HS1BP3: variants seen among roughly 807,000 people sequenced by gnomAD.
The protein encoded by HS1BP3 is HCLS1 binding protein 3.
Under a neutral mutation model 33.5 loss-of-function variants are expected in HS1BP3, and 32 were observed. The ratio of observed to expected loss-of-function variants is 0.95; its 90% confidence interval spans 0.72 to 1.28. The LOEUF (loss-of-function observed/expected upper bound fraction) is 1.28, where lower values mean the gene tolerates loss of function less well. Among genes scored for constraint, HS1BP3 ranks in the 50% most tolerant of loss-of-function variants. The probability of loss-of-function intolerance (pLI) is 0.00; values close to 1 mark genes in which losing one functional copy is unlikely to be tolerated. For synonymous variants in HS1BP3, 187 were observed against 209.2 expected (o/e 0.89, Z 0.92); for missense variants, 486 against 502.3 (o/e 0.97, Z 0.31).
chr2:20,615,861 G>A (rs1360505051), downstream of HS1BP3, among the ~76,000 whole-genome samples: 1 of 152,214 alleles, frequency 6.6e-6, no homozygotes, highest in African/African-American at 2.4e-5. Flanking sequence ...TGGGGCACAT[G>A]GAGGTGAACT....
At chr2:20,609,370 A>T (rs1694268797) in intron 2 of HS1BP3, among the ~76,000 whole-genome samples, 1 of 152,208 alleles carries the variant, frequency 6.6e-6, no homozygotes, top group Non-Finnish European at 1.5e-5. Context: ...TAAGATTGCC[A>T]CTTCAAAGCC....
At chr2:20,629,016 G>A (rs999519071) in intron 4 of HS1BP3, among the ~76,000 whole-genome samples, 8 of 152,170 alleles carry the variant, frequency 5.3e-5, no homozygotes, top group Non-Finnish European at 8.8e-5. Flanking sequence ...GGAGAGCAGC[G>A]GTGGTGCGAG....
chr2:20,602,846 CG>C (rs1558330391), intron 2 of HS1BP3, among the ~76,000 whole-genome samples: 1 of 152,102 alleles, frequency 6.6e-6, no homozygotes, highest in Non-Finnish European at 1.5e-5. Context: ...TAAGGTTTAT[CG>C]GGAATACATA....
intron 4 of HS1BP3, 44 bp from the exon 5 acceptor site, chr2:20,624,936 G>A: frequency 1.9e-6 from 3 of 1,609,170 alleles, no homozygotes; most frequent in Non-Finnish European, 2.5e-6. Context: ...TTTCCCACAA[G>A]TGTCCAGGTG....
chr2:20,605,339 C>G (rs566428833), intron 2 of HS1BP3, among the ~76,000 whole-genome samples: 41 of 152,340 alleles, frequency 2.7e-4, no homozygotes, highest in Admixed American at 2.4e-3. Context: ...CACCCCTCAT[C>G]ATCGATGACT....
chr2:20,589,062 A>C (rs957985827), downstream of HS1BP3, among the ~76,000 whole-genome samples: 1 of 152,230 alleles, frequency 6.6e-6, no homozygotes. Flanking sequence ...CTGGGCATCA[A>C]ACTGTCTCTC....
At chr2:20,599,613 C>CAG (rs778884273) in intron 2 of HS1BP3, among the ~76,000 whole-genome samples, 1 of 106,534 alleles carries the variant, frequency 9.4e-6, no homozygotes, top group African/African-American at 4.4e-5. Flanking sequence ...TTGTGTAACA[C>CAG]ACACACACAC....
chr2:20,578,729 C>T (rs1241579515), intron 5 of HS1BP3, among the ~76,000 whole-genome samples: 3 of 152,182 alleles, frequency 2.0e-5, no homozygotes, highest in Middle Eastern at 6.3e-3. Flanking sequence ...TCATGACAGC[C>T]CTGGGAGCAG....
chr2:20,638,765 G>A, intron 3 of HS1BP3, 113 bp from the exon 4 acceptor site: 2 of 810,152 alleles, frequency 2.5e-6, no homozygotes, highest in Non-Finnish European at 3.9e-6. Context: ...GCTTCCTGCA[G>A]CCTCCTGGGA....
At chr2:20,568,550 G>T (rs1214758549) in intron 5 of HS1BP3, among the ~76,000 whole-genome samples, 1 of 152,132 alleles carries the variant, frequency 6.6e-6, no homozygotes, top group East Asian at 1.9e-4. Flanking sequence ...CCTTTGTCTG[G>T]GGACTAGACA....
At chr2:20,648,286 G>A (rs1199213256) in intron 1 of HS1BP3, among the ~76,000 whole-genome samples, 1 of 152,058 alleles carries the variant, frequency 6.6e-6, no homozygotes, top group Non-Finnish European at 1.5e-5. Context: ...TCAACAGAGG[G>A]CCCCATATTC....
At chr2:20,638,347 G>A in intron 4 of HS1BP3, 89 bp downstream of exon 4, 1 of 1,330,622 alleles carries the variant, frequency 7.5e-7, no homozygotes, top group Non-Finnish European at 1.0e-6. Flanking sequence ...GGATGCTCAG[G>A]GCTTTTCTCA....
At chr2:20,629,827 G>A (rs1694915385) in intron 4 of HS1BP3, among the ~76,000 whole-genome samples, 1 of 152,248 alleles carries the variant, frequency 6.6e-6, no homozygotes, top group Non-Finnish European at 1.5e-5. Context: ...GTGAGAGGCG[G>A]CAGCTGCCGC....
At chr2:20,600,642 CATG>C (rs1393264139) in intron 2 of HS1BP3, among the ~76,000 whole-genome samples, 4 of 152,192 alleles carry the variant, frequency 2.6e-5, no homozygotes, top group African/African-American at 9.7e-5. Flanking sequence ...TTAAAATCCT[CATG>C]ATATGTGGAA....
At chr2:20,602,167 C>T (rs938737010) in intron 2 of HS1BP3, among the ~76,000 whole-genome samples, 1 of 150,596 alleles carries the variant, frequency 6.6e-6, no homozygotes. Context: ...GACCTGCTCT[C>T]TTCTAGCTGA....
At chr2:20,557,719 A>G (rs1416221694), downstream of HS1BP3, among the ~76,000 whole-genome samples, 1 of 152,214 alleles carries the variant, frequency 6.6e-6, no homozygotes, top group Non-Finnish European at 1.5e-5. Flanking sequence ...TTCGGAGAGC[A>G]TCAGCTATTT....
At chr2:20,588,166 C>T (rs574864125), downstream of HS1BP3, among the ~76,000 whole-genome samples, 17 of 151,804 alleles carry the variant, frequency 1.1e-4, no homozygotes, top group African/African-American at 4.1e-4. Flanking sequence ...CAACAGGTGA[C>T]AGGATTAAAA....
At chr2:20,598,854 G>T (rs1211125032) in intron 2 of HS1BP3, among the ~76,000 whole-genome samples, 1 of 152,156 alleles carries the variant, frequency 6.6e-6, no homozygotes, top group Non-Finnish European at 1.5e-5. Context: ...CACCGCGCCC[G>T]GCCGGTACTT....
At chr2:20,645,232 C>A (rs1695480521) in intron 2 of HS1BP3, 108 bp downstream of exon 2, 1 of 1,151,332 alleles carries the variant, frequency 8.7e-7, no homozygotes, top group Non-Finnish European at 1.2e-6. Context: ...AAGCAACAGA[C>A]AGAGAAGCAC....
Sources: allele counts gnomAD v4.1 joint callset (sites outside exome capture counted in the v4.1 genomes callset), GRCh38; gene constraint gnomAD v4.1.1; transcripts MANE v1.5; gene names NCBI Gene and HGNC (gene_info 2026-07-23, HGNC 2026-07-21).